The following AFAP1 variants were observed in gnomAD, a reference collection of about 807,000 sequenced individuals.
AFAP1 encodes the protein actin filament-associated protein 1.
AFAP1 carries 75 observed loss-of-function variants against 93.9 expected under a neutral mutation model. The observed-to-expected ratio is 0.80, with a 90% CI of 0.66 to 0.97. The LOEUF is 0.97. Ranked by LOEUF, AFAP1 falls within the 50% of genes least tolerant of loss-of-function variation. The pLI, the probability that AFAP1 is intolerant of heterozygous loss-of-function variation, is 0.00. For synonymous variants in AFAP1, 517 were observed against 430.7 expected, an observed-to-expected ratio of 1.20 and a Z score of -2.48; for missense variants, 1,201 against 1,050.8, an observed-to-expected ratio of 1.14 and a Z score of -1.98.
intron 1 of AFAP1, among the ~76,000 whole-genome samples, chr4:7,920,688 A>G (rs1024000489): frequency 1.3e-5 from 2 of 152,248 alleles, no homozygotes; most frequent in African/African-American, 2.4e-5. Context: ...AGAAACTGCA[A>G]TCCCTAAAAG....
rs976627400 is a variant in AFAP1 at position 7,786,389 on chromosome 4, G to A, written c.1413-78C>T. The A allele has an allele frequency of 3.2e-5, 38 of 1,204,454 alleles. 1 individual carries two copies. In the South Asian group the frequency reaches 4.7e-4, roughly 15 times the overall value. The allele number at this position is 1,204,454 out of a possible 1,614,324, so 74.6% of individuals were successfully genotyped here. ...ATCAGTCAAGTCTTTAATGAGTTCT[G>A]ACTTTATGCCCAAGGCTATGTCAGA... On this transcript the variant is annotated intron_variant, in intron 11 of 17. Transcript: ENST00000420658.
At chr4:7,816,453 C>T (rs1029999356) in intron 7 of AFAP1, among the ~76,000 whole-genome samples, 14 of 152,174 alleles carry the variant, frequency 9.2e-5, no homozygotes, top group Admixed American at 2.6e-4. Context: ...ATATTATCCT[C>T]GCAGAAGTAA....
intron 1 of AFAP1, among the ~76,000 whole-genome samples, chr4:7,910,866 G>C (rs563971115): frequency 6.6e-6 from 1 of 152,152 alleles, no homozygotes; most frequent in Non-Finnish European, 1.5e-5. Flanking sequence ...TTCCCACTGC[G>C]GTGAGGGCGT....
chr4:7,938,925 C>A (rs112519897), intron 1 of AFAP1: 53,858 of 151,826 alleles, frequency 0.35, 10,318 homozygotes, highest in African/African-American at 0.5. Flanking sequence ...CGCGACAGCT[C>A]CGGGCCCGCG....
chr4:7,894,173 A>G (rs1033340458), intron 1 of AFAP1, among the ~76,000 whole-genome samples: 2 of 152,200 alleles, frequency 1.3e-5, no homozygotes, highest in African/African-American at 4.8e-5. Flanking sequence ...AGCAGGGGAG[A>G]CTGCAGCCCA....
intron 1 of AFAP1, among the ~76,000 whole-genome samples, chr4:7,897,505 G>A (rs558366419): frequency 1.0e-4 from 15 of 149,550 alleles, no homozygotes; most frequent in South Asian, 2.1e-4. Flanking sequence ...TCTCCCCAGC[G>A]CTTGTTTTTT....
chr4:7,813,960 G>A (rs896023944), intron 8 of AFAP1, among the ~76,000 whole-genome samples: 1 of 152,146 alleles, frequency 6.6e-6, no homozygotes, highest in African/African-American at 2.4e-5. Context: ...TTACTCAGCT[G>A]AGCAGCCAAG....
At position 7,855,272 on chromosome 4, in the gene AFAP1, G is replaced by C. The variant is rs564905035; in HGVS notation, c.334+194C>G. 2.6e-5 allele frequency among the ~76,000 whole-genome samples: 4 copies of C among 152,372 alleles called. No homozygotes were observed. The South Asian group carries it at 8.3e-4, about 32-fold the overall frequency. ...CACAAGGAAGACAGCAATCGGAAGA[G>C]AGGCTTGTGTGTGAGGCACTCGGTG... On this transcript the variant is annotated intron_variant, in intron 4 of 17. Transcript: ENST00000420658.
chr4:7,777,766 C>G (rs1716299134), intron 14 of AFAP1: 1 of 152,162 alleles, frequency 6.6e-6, no homozygotes, highest in African/African-American at 2.4e-5. Context: ...CTGGACATGC[C>G]CAGATGGACT....
intron 1 of AFAP1, among the ~76,000 whole-genome samples, chr4:7,903,457 A>G (rs1682854112): frequency 6.6e-6 from 1 of 152,232 alleles, no homozygotes; most frequent in South Asian, 2.1e-4. Context: ...AGGCATGCAG[A>G]TCACCTGAGT....
intron 4 of AFAP1, among the ~76,000 whole-genome samples, chr4:7,844,446 G>C (rs796501171): frequency 6.6e-6 from 1 of 152,162 alleles, no homozygotes; most frequent in African/African-American, 2.4e-5. Context: ...CCCAGTGGTG[G>C]CATTTGTCAC....
chr4:7,767,272 G>A (rs545265518), intron 17 of AFAP1, among the ~76,000 whole-genome samples: 2 of 152,352 alleles, frequency 1.3e-5, no homozygotes, highest in South Asian at 2.1e-4. Context: ...CATTCACCAA[G>A]AGGGAGCAAA....
At chr4:7,769,801 A>G (rs1715168518) in intron 16 of AFAP1, among the ~76,000 whole-genome samples, 1 of 152,258 alleles carries the variant, frequency 6.6e-6, no homozygotes, top group Admixed American at 6.5e-5. Context: ...TTCAATTACC[A>G]TGAAAATGGG....
At chr4:7,778,427 G>A in intron 14 of AFAP1, 3 of 404,962 alleles carry the variant, frequency 7.4e-6, no homozygotes, top group Non-Finnish European at 1.4e-5. Flanking sequence ...GACAACCACA[G>A]ATCAGGGACA....
intron 6 of AFAP1, among the ~76,000 whole-genome samples, chr4:7,827,204 G>A (rs189773076): frequency 6.6e-6 from 1 of 152,160 alleles, no homozygotes; most frequent in African/African-American, 2.4e-5. Context: ...AAGGAGTGAA[G>A]GAAACCACAA....
At chr4:7,854,628 G>C (rs28605661) in intron 4 of AFAP1, among the ~76,000 whole-genome samples, 62,153 of 152,100 alleles carry the variant, frequency 0.41, 14,248 homozygotes, top group Non-Finnish European at 0.51. Flanking sequence ...AGGAGACAGC[G>C]AAGGCCGGAG....
intron 4 of AFAP1, among the ~76,000 whole-genome samples, chr4:7,853,081 C>G (rs1406984510): frequency 1.3e-5 from 2 of 152,108 alleles, no homozygotes; most frequent in Admixed American, 6.5e-5. Context: ...GCCAAGGTGA[C>G]CAAAGATAAA....
chr4:7,862,042 A>T (rs1426162052), intron 3 of AFAP1: 1 of 152,058 alleles, frequency 6.6e-6, no homozygotes, highest in Non-Finnish European at 1.5e-5. Context: ...TCAAAACTTC[A>T]CTGTTTCAGG....
chr4:7,863,438 A>G (rs1715981139), intron 3 of AFAP1, among the ~76,000 whole-genome samples: 1 of 151,952 alleles, frequency 6.6e-6, no homozygotes, highest in Admixed American at 6.5e-5. Flanking sequence ...AGAACGAAAG[A>G]AAGAAAGAAG....
Sources: gnomAD v4.1 joint callset for allele counts (sites outside exome capture counted in the v4.1 genomes callset) on GRCh38, gnomAD v4.1.1 for gene constraint, MANE v1.5 for transcripts, NCBI Gene and HGNC (gene_info 2026-07-23, HGNC 2026-07-21) for gene names.